Variants in EFCAB8 observed in about 807,000 individuals in gnomAD.
EFCAB8 encodes the protein EF-hand calcium binding domain 8.
In EFCAB8, 100 loss-of-function variants were observed where a neutral mutation model predicts 116.3. That is an observed-to-expected ratio of 0.86 (90% confidence interval 0.73 to 1.02). EFCAB8 has a LOEUF of 1.02. EFCAB8 is among the 50% of genes least tolerant of loss of function. The pLI is 0.00. For missense variants in EFCAB8, 1,320 were observed against 1,416.9 expected (o/e 0.93, Z 1.10); for synonymous variants, 558 against 567.9 (o/e 0.98, Z 0.25).
At chr20:32,866,746 TTCCCTCCC>T (rs1984424019) in intron 2 of EFCAB8, among the ~76,000 whole-genome samples, 1 of 147,604 alleles carries the variant, frequency 6.8e-6, no homozygotes, top group Non-Finnish European at 1.5e-5. Flanking sequence ...CCTTCCTTCC[TTCCCTCCC>T]TCCCCCTTCT....
Position 32,898,575 on chromosome 20 carries a change from C to T in EFCAB8, c.1040C>T (p.Ser347Phe), listed in dbSNP as rs746806058. Residue 347 changes from serine (S) to phenylalanine (F), a missense_variant, in exon 11 of 27, where the codon TCC (serine) becomes TTC (phenylalanine). By Grantham distance (155) the Ser-to-Phe change is radical. Transcript: ENST00000400522. ...GTCTCCTGTTCAGCCATCGAGAAGT[C>T]CTCTCTGGTGCTGACAATATTGCCA... ...VVVSCSAIEK[S>F]SLVLTILPAK... 1.1e-5 allele frequency: 8 copies of T among 718,570 alleles called. No homozygotes were observed. The highest frequency in any genetic ancestry group is 2.1e-5 in the Non-Finnish European group (8 of 385,126). 44.5% of individuals were successfully genotyped at this position (718,570 alleles called of 1,614,324 possible). A position where few individuals can be genotyped will look rare whatever the true frequency, so the allele number is the denominator to read the frequency against.
At position 32,961,323 on chromosome 20, in the gene EFCAB8, C is replaced by A; in HGVS notation, c.3581C>A (p.Ala1194Glu). 1.3e-6 allele frequency: 2 copies of A among 1,493,436 alleles called. No individual in the cohort carries two copies. The highest frequency in any genetic ancestry group is 1.4e-5 in the South Asian group (1 of 74,030). 92.5% of individuals were successfully genotyped at this position (1,493,436 alleles called of 1,614,324 possible). A position where few individuals can be genotyped will look rare whatever the true frequency, so the allele number is the denominator to read the frequency against. The change falls in exon 27 of 27, where the codon GCG (alanine) becomes GAG (glutamate). Residue 1194 changes from alanine (A) to glutamate (E), a missense_variant. Coordinates refer to ENST00000400522, the MANE Select transcript of EFCAB8 (RefSeq NM_001143967.2). ...AVLDTTDSTP[A>E]AASSPSSLLS... is the part of the protein sequence containing the mutation. ...CTGGATACCACGGACAGCACGCCTGCGGCCGCCTCCTCCCCATCTTCCTTG... is the reference window on the plus strand; with the variant it reads ...CTGGATACCACGGACAGCACGCCTGAGGCCGCCTCCTCCCCATCTTCCTTG...
At chr20:32,902,465 G>A (rs755990841) in intron 11 of EFCAB8, among the ~76,000 whole-genome samples, 14 of 152,174 alleles carry the variant, frequency 9.2e-5, no homozygotes, top group Non-Finnish European at 1.8e-4. Context: ...ACTCCATTCA[G>A]GTCAGACACG....
intron 23 of EFCAB8, among the ~76,000 whole-genome samples, chr20:32,955,588 C>T (rs908231165): frequency 3.3e-5 from 5 of 151,992 alleles, no homozygotes; most frequent in Non-Finnish European, 7.4e-5. Flanking sequence ...AAAAACATGC[C>T]CTCTCAGTAT....
intron 11 of EFCAB8, 29 bp from the exon 12 acceptor site, chr20:32,906,533 C>G: frequency 1.4e-6 from 1 of 718,340 alleles, no homozygotes; most frequent in Non-Finnish European, 2.6e-6. Flanking sequence ...GCTCCCGGCC[C>G]TGCAGCCCTC....
Position 32,939,203 on chromosome 20 carries a change from C to G in EFCAB8, c.2791-4433C>G, listed in dbSNP as rs1473589430. Among the ~76,000 whole-genome samples the G allele has an allele frequency of 5.9e-5, 3 of 51,050 alleles. No homozygotes were observed. In the Admixed American group the frequency reaches 7.1e-4, roughly 12 times the overall value. 33.5% of individuals were successfully genotyped at this position (51,050 alleles called of 152,430 possible). A position where few individuals can be genotyped will look rare whatever the true frequency, so the allele number is the denominator to read the frequency against. On this transcript the variant is annotated intron_variant, in intron 22 of 26. Coordinates refer to ENST00000400522, the MANE Select transcript of EFCAB8 (RefSeq NM_001143967.2). ...TCTTTCTTTCTTTCTTTCTTTCTTT[C>G]CTCTCTCTCTCTCTCTCTCTCTCTT...
chr20:32,908,849 C>T (rs1275581509), intron 14 of EFCAB8, among the ~76,000 whole-genome samples: 1 of 152,236 alleles, frequency 6.6e-6, no homozygotes, highest in African/African-American at 2.4e-5. Flanking sequence ...AGCATCTCTG[C>T]AGGAGAGACC....
At chr20:32,907,117 G>C in intron 13 of EFCAB8, 123 bp downstream of exon 13, 1 of 1,423,386 alleles carries the variant, frequency 7.0e-7, no homozygotes, top group Non-Finnish European at 9.1e-7. Context: ...GAGGGGCCCC[G>C]GGTGGGAGGA....
chr20:32,908,783 A>G (rs938417677), intron 14 of EFCAB8, among the ~76,000 whole-genome samples: 3 of 152,074 alleles, frequency 2.0e-5, no homozygotes, highest in Admixed American at 6.5e-5. Flanking sequence ...TCGCTATTAC[A>G]TGACTGTTTT....
chr20:32,863,154 C>G (rs1984203329), intron 1 of EFCAB8, among the ~76,000 whole-genome samples: 1 of 152,142 alleles, frequency 6.6e-6, no homozygotes, highest in African/African-American at 2.4e-5. Context: ...CCCTGCCATC[C>G]TAGAGTGCCC....
rs557543167 is a variant in EFCAB8 at position 32,930,580 on chromosome 20, G to A, written c.2595G>A (p.Trp865Ter). 1.3e-6 allele frequency: 2 copies of A among 1,552,342 alleles called. No homozygotes were observed. Among genetic ancestry groups the A allele is most frequent in the South Asian group, 1.2e-5 (1 of 84,052 alleles). ...CCATGGCCACTGATAAAAATGACTG[G>A]ATCCTCATCACGGGGGATTGTAAAG... is the stretch of plus-strand genomic sequence containing the variant. The part of the protein sequence containing the change: ...VGAMATDKND[W>*]ILITGDCKGY... Residue 865 changes from tryptophan (W) to a stop codon, truncating the protein, a stop_gained, in exon 21 of 27, where the codon TGG becomes TGA. Coordinates refer to ENST00000400522, the MANE Select transcript of EFCAB8 (RefSeq NM_001143967.2). LOFTEE classifies it high-confidence loss of function.
At chr20:32,884,179 A>G (rs1220698356) in intron 5 of EFCAB8, among the ~76,000 whole-genome samples, 1 of 152,234 alleles carries the variant, frequency 6.6e-6, no homozygotes, top group Non-Finnish European at 1.5e-5. Flanking sequence ...TGGTGGGGAA[A>G]ATAAATGAGT....
At chr20:32,899,547 T>C (rs1439130540) in intron 11 of EFCAB8, among the ~76,000 whole-genome samples, 1 of 152,198 alleles carries the variant, frequency 6.6e-6, no homozygotes, top group Non-Finnish European at 1.5e-5. Flanking sequence ...CCTGACCCAG[T>C]TATCAAAAGC....
chr20:32,917,084 G>A, intron 17 of EFCAB8: 2 of 562,598 alleles, frequency 3.6e-6, no homozygotes, highest in Admixed American at 3.2e-5. Flanking sequence ...TGTAAGATTA[G>A]TTTATGTAAA....
chr20:32,898,160 T>C (rs930723138), intron 10 of EFCAB8, among the ~76,000 whole-genome samples: 5 of 152,222 alleles, frequency 3.3e-5, no homozygotes, highest in African/African-American at 7.2e-5. Context: ...GATAACTAGA[T>C]TGTGGCCTGG....
intron 18 of EFCAB8, 85 bp from the exon 19 acceptor site, chr20:32,918,277 G>T: frequency 7.4e-7 from 1 of 1,359,146 alleles, no homozygotes; most frequent in Non-Finnish European, 1.0e-6. Flanking sequence ...GGAGGGCCCT[G>T]TGGTGTTGGC....
chr20:32,909,125 C>T (rs6088035), intron 14 of EFCAB8, among the ~76,000 whole-genome samples: 15,885 of 152,288 alleles, frequency 0.1, 1,031 homozygotes, highest in East Asian at 0.19. Flanking sequence ...AGGCCTCCCA[C>T]GCTCCGTGGG....
chr20:32,918,490 C>T lies in EFCAB8; in HGVS notation c.2190C>T (p.Thr730=), dbSNP rs1182664475. The T allele has an allele frequency of 1.3e-6, 2 of 1,551,620 alleles. No homozygotes were observed. Among genetic ancestry groups the T allele is most frequent in the African/African-American group, 2.7e-5 (2 of 73,050 alleles). Residue 730 remains threonine, a synonymous_variant, in exon 19 of 27, where the codon ACC becomes ACT. Coordinates refer to ENST00000400522, the MANE Select transcript of EFCAB8 (RefSeq NM_001143967.2). Reference sequence around the variant, plus strand: ...TCAGCCCCGAGTCTGTGGCCAATACCAACCTGAGGCGGAGCCTGGTGTCGG... The same window carrying T: ...TCAGCCCCGAGTCTGTGGCCAATACTAACCTGAGGCGGAGCCTGGTGTCGG... ...SSLSPESVAN[T]NLRRSLVSAP...
intron 22 of EFCAB8, among the ~76,000 whole-genome samples, chr20:32,937,173 T>G (rs1988154580): frequency 1.3e-5 from 2 of 152,134 alleles, no homozygotes; most frequent in African/African-American, 4.8e-5. Context: ...AGAGACAGGG[T>G]TTCTCCATGT....
Sources: gnomAD v4.1 joint callset for allele counts (sites outside exome capture counted in the v4.1 genomes callset) on GRCh38, gnomAD v4.1.1 for gene constraint, MANE v1.5 for transcripts, NCBI Gene and HGNC (gene_info 2026-07-23, HGNC 2026-07-21) for gene names.